Variants in GLIS3 observed in about 807,000 individuals in gnomAD.
GLIS3 encodes the protein zinc finger protein GLIS3.
A neutral mutation model predicts 78.6 loss-of-function variants in GLIS3; 53 were observed. That is an observed-to-expected ratio of 0.67 (90% CI 0.54 to 0.85). The LOEUF (loss-of-function observed/expected upper bound fraction) is 0.85, where lower values mean the gene tolerates loss of function less well. GLIS3 is among the 40% of genes least tolerant of loss of function. The pLI is 0.00. For missense variants in GLIS3, 1,703 were observed against 1,231.1 expected, an observed-to-expected ratio of 1.38 and a Z score of -5.74; for synonymous variants, 684 against 509.9, an observed-to-expected ratio of 1.34 and a Z score of -4.60.
At chr9:4,294,804 A>G (rs1463570431) in intron 1 of GLIS3, among the ~76,000 whole-genome samples, 2 of 152,212 alleles carry the variant, frequency 1.3e-5, no homozygotes, top group African/African-American at 2.4e-5. Flanking sequence ...CATTTATCAT[A>G]TAGTTATGCT....
intron 4 of GLIS3, among the ~76,000 whole-genome samples, chr9:4,107,051 A>T (rs1292078666): frequency 6.6e-6 from 1 of 152,194 alleles, no homozygotes; most frequent in African/African-American, 2.4e-5. Flanking sequence ...AGATTTAATA[A>T]GTTGAAAAGC....
At chr9:4,194,128 G>C (rs928038937) in intron 2 of GLIS3, among the ~76,000 whole-genome samples, 1 of 152,124 alleles carries the variant, frequency 6.6e-6, no homozygotes, top group Non-Finnish European at 1.5e-5. Context: ...TGCGATCTCG[G>C]CTCTCTGCAA....
intron 2 of GLIS3, among the ~76,000 whole-genome samples, chr9:4,340,621 G>C (rs546256280): frequency 6.6e-6 from 1 of 152,104 alleles, no homozygotes; most frequent in Non-Finnish European, 1.5e-5. Context: ...CCACATCCAC[G>C]CTATTAACCA....
At chr9:4,150,263 C>G (rs1443161624) in intron 2 of GLIS3, among the ~76,000 whole-genome samples, 1 of 152,188 alleles carries the variant, frequency 6.6e-6, no homozygotes, top group Non-Finnish European at 1.5e-5. Context: ...AAACTTTGAT[C>G]TTACACAACT....
chr9:4,182,824 C>G (rs1426122606), intron 2 of GLIS3, among the ~76,000 whole-genome samples: 1 of 152,208 alleles, frequency 6.6e-6, no homozygotes, highest in African/African-American at 2.4e-5. Flanking sequence ...ATTTACTGAA[C>G]ACCTACCATG....
chr9:4,397,314 C>A, the GLIS3 span, among the ~76,000 whole-genome samples: 1 of 151,384 alleles, frequency 6.6e-6, no homozygotes, highest in South Asian at 2.1e-4. Context: ...CGTGAGCCAC[C>A]ACACCCTGCC....
At chr9:3,924,081 G>A (rs1391423257) in intron 6 of GLIS3, among the ~76,000 whole-genome samples, 1 of 152,174 alleles carries the variant, frequency 6.6e-6, no homozygotes, top group Non-Finnish European at 1.5e-5. Flanking sequence ...AGATTTCACA[G>A]GTTCAAATTT....
chr9:3,978,075 G>T (rs906612631), intron 4 of GLIS3, among the ~76,000 whole-genome samples: 18 of 151,994 alleles, frequency 1.2e-4, no homozygotes, highest in Non-Finnish European at 4.4e-5. Flanking sequence ...AGAGAATGAA[G>T]GGAGGACTCA....
At chr9:4,033,275 G>T (rs937470422) in intron 4 of GLIS3, among the ~76,000 whole-genome samples, 8 of 152,036 alleles carry the variant, frequency 5.3e-5, no homozygotes, top group African/African-American at 1.9e-4. Flanking sequence ...TAGCATAAAG[G>T]GTATTTCTCC....
chr9:4,450,934 G>A, the GLIS3 span, among the ~76,000 whole-genome samples: 1 of 152,154 alleles, frequency 6.6e-6, no homozygotes, highest in African/African-American at 2.4e-5. Context: ...GAAAGAAACT[G>A]CATCAACTAA....
chr9:4,040,461 A>G (rs767729563), intron 4 of GLIS3, among the ~76,000 whole-genome samples: 1 of 152,248 alleles, frequency 6.6e-6, no homozygotes, highest in Non-Finnish European at 1.5e-5. Flanking sequence ...TTACGATAGA[A>G]AAGGAAGACA....
At chr9:3,960,442 C>T (rs1817471516) in intron 4 of GLIS3, among the ~76,000 whole-genome samples, 1 of 152,180 alleles carries the variant, frequency 6.6e-6, no homozygotes, top group Non-Finnish European at 1.5e-5. Flanking sequence ...ACAGCATTTG[C>T]CACCATCTGG....
intron 4 of GLIS3, among the ~76,000 whole-genome samples, chr9:4,026,961 T>A (rs1823399630): frequency 6.6e-6 from 1 of 152,184 alleles, no homozygotes; most frequent in South Asian, 2.1e-4. Context: ...TAAGACTGTC[T>A]GACACTAAAT....
the GLIS3 span, among the ~76,000 whole-genome samples, chr9:4,455,297 A>C: frequency 6.6e-6 from 1 of 152,298 alleles, no homozygotes; most frequent in East Asian, 1.9e-4. Flanking sequence ...CAGTTCATTT[A>C]AAATGTGTCA....
chr9:4,017,517 T>C (rs1384248150), intron 4 of GLIS3, among the ~76,000 whole-genome samples: 3 of 151,982 alleles, frequency 2.0e-5, no homozygotes, highest in African/African-American at 7.2e-5. Flanking sequence ...CAGGCAAACA[T>C]AAGCAACTGG....
At chr9:4,296,500 C>A (rs953916914) in intron 1 of GLIS3, among the ~76,000 whole-genome samples, 7 of 152,130 alleles carry the variant, frequency 4.6e-5, no homozygotes, top group Non-Finnish European at 7.4e-5. Flanking sequence ...ATAAAGATTG[C>A]CTTTCTTATT....
intron 4 of GLIS3, among the ~76,000 whole-genome samples, chr9:4,096,590 C>G (rs567821718): frequency 6.6e-6 from 1 of 152,236 alleles, no homozygotes; most frequent in Non-Finnish European, 1.5e-5. Context: ...GAATTTACTC[C>G]TAGTGTGGAC....
intron 4 of GLIS3, among the ~76,000 whole-genome samples, chr9:3,978,957 A>T (rs1171583343): frequency 2.6e-5 from 4 of 152,334 alleles, no homozygotes; most frequent in African/African-American, 9.6e-5. Context: ...TATTATAAAT[A>T]ATCTAGAGAT....
At chr9:4,245,293 C>T (rs1823699918) in intron 2 of GLIS3, among the ~76,000 whole-genome samples, 1 of 152,186 alleles carries the variant, frequency 6.6e-6, no homozygotes, top group Non-Finnish European at 1.5e-5. Context: ...GTCCACAGCC[C>T]TCAGCATTCC....
Sources: gnomAD v4.1 joint callset for allele counts (sites outside exome capture counted in the v4.1 genomes callset) on GRCh38, gnomAD v4.1.1 for gene constraint, MANE v1.5 for transcripts, NCBI Gene and HGNC (gene_info 2026-07-23, HGNC 2026-07-21) for gene names.